The following PARN variants were observed in gnomAD, a reference collection of about 807,000 sequenced individuals.
PARN encodes the protein poly(A)-specific ribonuclease, also known as poly(A)-specific ribonuclease PARN.
PARN carries 71 observed loss-of-function variants against 102.8 expected under a neutral mutation model. That is an observed-to-expected ratio of 0.69 (90% CI 0.57 to 0.84). The LOEUF (loss-of-function observed/expected upper bound fraction) is 0.84. Among genes scored for constraint, PARN ranks in the 40% least tolerant of loss-of-function variants. The pLI is 0.00. For synonymous variants in PARN, 261 were observed against 252.9 expected (o/e 1.03, Z -0.30); for missense variants, 782 against 760.9 (o/e 1.03, Z -0.33).
chr16:14,561,631 G>A (rs1233507149), intron 18 of PARN, among the ~76,000 whole-genome samples: 2 of 152,138 alleles, frequency 1.3e-5, no homozygotes, highest in Non-Finnish European at 2.9e-5. Flanking sequence ...GAGCAACATG[G>A]TGAGACTCCT....
chr16:14,491,537 G>C (rs1964056798), intron 21 of PARN, among the ~76,000 whole-genome samples: 2 of 152,106 alleles, frequency 1.3e-5, no homozygotes, highest in African/African-American at 4.8e-5. Context: ...GCCCAGGTGG[G>C]AGGATCGCTT....
intron 22 of PARN, among the ~76,000 whole-genome samples, chr16:14,453,807 T>C (rs1961567632): frequency 6.6e-6 from 1 of 152,210 alleles, no homozygotes; most frequent in Admixed American, 6.5e-5. Flanking sequence ...AATTTATTCA[T>C]TTACCAGTTG....
rs572718753 is a variant in PARN at position 14,508,064 on chromosome 16, G to C, written c.1481-25237C>G. Among the ~76,000 whole-genome samples the C allele has an allele frequency of 3.9e-5, 6 of 152,268 alleles. No individual in the cohort carries two copies. In the East Asian group the frequency reaches 1.2e-3, roughly 29 times the overall value. ...ATCATAATTATTTCTGGGTGATTAT[G>C]TTTCATTATTGTGTGTTTTCCAAAT... On this transcript the variant is annotated intron_variant, in intron 21 of 23. Transcript: ENST00000437198.
chr16:14,480,204 A>G lies in PARN; in HGVS notation c.1670+2434T>C, dbSNP rs1242486789. 2.0e-5 allele frequency among the ~76,000 whole-genome samples: 3 copies of G among 152,036 alleles called. No homozygotes were observed. In the East Asian group the frequency reaches 5.8e-4, roughly 29 times the overall value. Reference sequence around the variant, plus strand: ...AAAAATTACGCGGGCGTGGTGGCGCACATCTGTAATCTACTCAGGAAGTTG... The same window carrying G: ...AAAAATTACGCGGGCGTGGTGGCGCGCATCTGTAATCTACTCAGGAAGTTG... On this transcript the variant is annotated intron_variant, in intron 22 of 23. Transcript: ENST00000437198.
chr16:14,554,375 A>G (rs1040235832), intron 19 of PARN, among the ~76,000 whole-genome samples: 1 of 152,118 alleles, frequency 6.6e-6, no homozygotes, highest in Admixed American at 6.6e-5. Flanking sequence ...CTTGAACCCA[A>G]TGCAAAGGCA....
chr16:14,448,946 G>A (rs1425219595), intron 22 of PARN, among the ~76,000 whole-genome samples: 1 of 152,166 alleles, frequency 6.6e-6, no homozygotes, highest in Non-Finnish European at 1.5e-5. Flanking sequence ...GTATGCTGAA[G>A]TTTCCTGTTT....
chr16:14,628,231 C>T lies in PARN; in HGVS notation c.118G>A (p.Val40Ile), dbSNP rs745764135. ...EFSGISDGPS[V>I]SALTNGFDTP... is the part of the protein sequence containing the mutation. ...TCAAAACCATTTGTTAATGCAGAGACTGAAGGTCCATCACTGATTCCTAGA... is the reference window on the plus strand; with the variant it reads ...TCAAAACCATTTGTTAATGCAGAGATTGAAGGTCCATCACTGATTCCTAGA... Residue 40 changes from valine (V) to isoleucine (I), a missense_variant, in exon 3 of 24, where the codon GTC becomes ATC. Val to Ile is a conservative substitution (Grantham distance 29, BLOSUM62 3). Coordinates refer to ENST00000437198, the MANE Select transcript of PARN (RefSeq NM_002582.4). 7 of 1,603,966 alleles carry T rather than the reference C, an allele frequency of 4.4e-6. No homozygotes were observed. Among genetic ancestry groups the T allele is most frequent in the African/African-American group, 1.3e-5 (1 of 74,684 alleles).
At chr16:14,483,943 T>C (rs373243383) in intron 21 of PARN, among the ~76,000 whole-genome samples, 2 of 152,230 alleles carry the variant, frequency 1.3e-5, no homozygotes, top group African/African-American at 4.8e-5. Context: ...ATCCATCAGC[T>C]GAGCAGTGTA....
intron 5 of PARN, among the ~76,000 whole-genome samples, chr16:14,620,800 CTG>C (rs1398583285): frequency 3.3e-5 from 5 of 152,180 alleles, no homozygotes; most frequent in East Asian, 1.9e-4. Context: ...CACGGAATGA[CTG>C]TGTTTCCCTC....
intron 21 of PARN, among the ~76,000 whole-genome samples, chr16:14,520,716 GT>G (rs911011747): frequency 9.2e-5 from 14 of 151,728 alleles, no homozygotes; most frequent in Admixed American, 6.6e-4. Context: ...AAAAAAATCT[GT>G]TTTTAAGAGA....
intron 5 of PARN, among the ~76,000 whole-genome samples, chr16:14,624,091 C>G (rs1462197305): frequency 3.3e-5 from 5 of 152,178 alleles, no homozygotes; most frequent in Admixed American, 3.3e-4. Flanking sequence ...TCCTCCACAT[C>G]TTGACAAGCA....
At chr16:14,567,951 T>G (rs1407183377) in intron 18 of PARN, among the ~76,000 whole-genome samples, 1 of 152,246 alleles carries the variant, frequency 6.6e-6, no homozygotes, top group African/African-American at 2.4e-5. Flanking sequence ...AGAAGATATC[T>G]AAATTGCCAT....
intron 18 of PARN, among the ~76,000 whole-genome samples, chr16:14,569,972 A>C (rs1968687431): frequency 6.6e-6 from 1 of 152,222 alleles, no homozygotes. Flanking sequence ...TATGCCAAAA[A>C]CCACTGAACT....
chr16:14,627,310 C>A lies in PARN; in HGVS notation c.204G>T (p.Gln68His). 1.9e-6 allele frequency: 3 copies of A among 1,592,896 alleles called. No individual in the cohort carries two copies. The highest frequency in any genetic ancestry group is 2.6e-6 in the Non-Finnish European group (3 of 1,168,994). Reference sequence around the variant, plus strand: ...CATACTTAAAAGTGCAAAGGCCAAACTGAAATAGCAAAAAGTCCATGGAAT... The same window carrying A: ...CATACTTAAAAGTGCAAAGGCCAAAATGAAATAGCAAAAAGTCCATGGAAT... ...KKHSMDFLLF[Q>H]FGLCTFKYDY... The change falls in exon 4 of 24, where the codon CAG becomes CAT. Residue 68 changes from glutamine to histidine, a missense_variant. Physicochemically the swap from Gln to His is conservative, Grantham distance 24. Coordinates refer to ENST00000437198, the MANE Select transcript of PARN (RefSeq NM_002582.4).
rs550502982 is a variant in PARN, at chr16:14,612,921, G to A, written c.389-2112C>T. On this transcript the variant is annotated intron_variant, in intron 6 of 23. Transcript: ENST00000437198. ...CACGGACATGTTAAATCATCTAAGG[G>A]AATACACAAATTAAAAGCTGCAGTT... is the stretch of plus-strand genomic sequence containing the variant. 1.4e-3 allele frequency among the ~76,000 whole-genome samples: 215 copies of A among 152,076 alleles called. 2 individuals carry two copies. The highest frequency in any genetic ancestry group is 1.9e-3 in the Non-Finnish European group (130 of 67,970).
intron 6 of PARN, among the ~76,000 whole-genome samples, chr16:14,611,319 T>A (rs1302492525): frequency 6.6e-6 from 1 of 151,858 alleles, no homozygotes; most frequent in Non-Finnish European, 1.5e-5. Flanking sequence ...TTGGAGAGAG[T>A]ATGGAGCAAG....
intron 2 of PARN, among the ~76,000 whole-genome samples, chr16:14,629,028 C>A (rs1309789424): frequency 6.6e-6 from 1 of 152,158 alleles, no homozygotes; most frequent in African/African-American, 2.4e-5. Context: ...CTGACCCTAG[C>A]CGGTCACAAA....
chr16:14,469,525 C>A (rs1962590653), intron 22 of PARN, among the ~76,000 whole-genome samples: 1 of 151,984 alleles, frequency 6.6e-6, no homozygotes, highest in South Asian at 2.1e-4. Context: ...AAAAAGGAGG[C>A]CCCTCAGATC....
Position 14,552,112 on chromosome 16 carries a change from A to G in PARN, c.1406-17T>C. On this transcript the variant is annotated splice_polypyrimidine_tract_variant and intron_variant, in intron 20 of 23. Transcript: ENST00000437198. ...GAATGTTACCTGCAATCGCAAATTA[A>G]AAGTAAAGTGAACATTTGACCATGT... 6.5e-7 allele frequency: 1 copy of G among 1,543,188 alleles called. No homozygotes were observed. The highest frequency in any genetic ancestry group is 1.4e-5 in the African/African-American group (1 of 73,646).
Sources: allele counts gnomAD v4.1 joint callset (sites outside exome capture counted in the v4.1 genomes callset), GRCh38; gene constraint gnomAD v4.1.1; transcripts MANE v1.5; gene names NCBI Gene and HGNC (gene_info 2026-07-23, HGNC 2026-07-21).